NCOA3: variants seen among roughly 807,000 people sequenced by gnomAD.
The protein encoded by NCOA3 is CBP-interacting protein.
NCOA3 carries 51 observed loss-of-function variants against 158.8 expected under a neutral mutation model. The ratio of observed to expected loss-of-function variants is 0.32; its 90% CI spans 0.26 to 0.41. NCOA3 has a LOEUF of 0.41. Among genes scored for constraint, NCOA3 ranks in the 10% least tolerant of loss-of-function variants. The probability of loss-of-function intolerance (pLI) is 1.00; values close to 1 mark genes in which losing one functional copy is unlikely to be tolerated. For synonymous variants in NCOA3, 537 were observed against 592.4 expected (o/e 0.91, Z 1.36); for missense variants, 1,510 against 1,746.6 (o/e 0.86, Z 2.41).
chr20:47,527,010 C>A (rs1426913282), intron 1 of NCOA3, among the ~76,000 whole-genome samples: 1 of 152,050 alleles, frequency 6.6e-6, no homozygotes, highest in East Asian at 1.9e-4. Context: ...ATAATTTATT[C>A]TTAGTATATA....
intron 1 of NCOA3, among the ~76,000 whole-genome samples, chr20:47,557,883 A>T (rs1053877540): frequency 6.6e-6 from 1 of 152,160 alleles, no homozygotes; most frequent in Non-Finnish European, 1.5e-5. Context: ...ACAAAGTGCC[A>T]CAGACCGAGT....
intron 1 of NCOA3, among the ~76,000 whole-genome samples, chr20:47,526,347 C>T (rs935965145): frequency 2.0e-5 from 3 of 152,070 alleles, no homozygotes; most frequent in African/African-American, 7.2e-5. Context: ...CTCCTCACTT[C>T]CCAGACGGGG....
chr20:47,574,511 G>A (rs2146207291), intron 1 of NCOA3, among the ~76,000 whole-genome samples: 1 of 150,552 alleles, frequency 6.6e-6, no homozygotes, highest in Admixed American at 6.6e-5. Context: ...TTAGCACAGA[G>A]GCATAGTAAT....
intron 16 of NCOA3, among the ~76,000 whole-genome samples, chr20:47,641,655 C>T (rs1054098897): frequency 1.7e-4 from 26 of 151,638 alleles, no homozygotes; most frequent in African/African-American, 4.6e-4. Context: ...CTCACCACCA[C>T]GCCTGGCTGA....
chr20:47,543,853 G>T (rs749823249), intron 1 of NCOA3, among the ~76,000 whole-genome samples: 36 of 152,160 alleles, frequency 2.4e-4, no homozygotes, highest in Admixed American at 1.1e-3. Context: ...CCTGGTGTGG[G>T]TACAGTTTAC....
At chr20:47,592,262 C>G (rs1017237281) in intron 2 of NCOA3, among the ~76,000 whole-genome samples, 14 of 152,130 alleles carry the variant, frequency 9.2e-5, no homozygotes, top group African/African-American at 2.9e-4. Context: ...CCAGGCTGGT[C>G]TTGAACTCCT....
At chr20:47,528,606 GTTCT>G (rs747319153) in intron 1 of NCOA3, among the ~76,000 whole-genome samples, 2 of 151,544 alleles carry the variant, frequency 1.3e-5, no homozygotes, top group Non-Finnish European at 2.9e-5. Context: ...TTGTCTTTTT[GTTCT>G]TTCTATGCGT....
chr20:47,600,332 G>C (rs2085839538), intron 2 of NCOA3, among the ~76,000 whole-genome samples: 1 of 148,586 alleles, frequency 6.7e-6, no homozygotes, highest in African/African-American at 2.5e-5. Context: ...CCACCACCAC[G>C]CCCAGCTAAT....
chr20:47,603,202 A>C (rs1386348340), intron 2 of NCOA3, among the ~76,000 whole-genome samples: 1 of 152,368 alleles, frequency 6.6e-6, no homozygotes, highest in South Asian at 2.1e-4. Context: ...AGTATTTCTC[A>C]AGAGACATCT....
chr20:47,639,462 A>C lies in NCOA3; in HGVS notation c.2708-115A>C. ...ACAGTTGGCCAGCCCTTTTCTTACC[A>C]TGACAAAGTGCTGTTTTGTCAAGGT... is the stretch of plus-strand genomic sequence containing the variant. On this transcript the variant is annotated intron_variant, in intron 14 of 22. Coordinates refer to ENST00000371998, the MANE Select transcript of NCOA3 (RefSeq NM_181659.3). 2.2e-6 allele frequency: 3 copies of C among 1,381,816 alleles called. No homozygotes were observed. The South Asian group carries it at 4.2e-5, about 19-fold the overall frequency. The allele number at this position is 1,381,816 out of a possible 1,614,324, so 85.6% of individuals were successfully genotyped here.
intron 19 of NCOA3, 46 bp downstream of exon 19, chr20:47,649,155 C>A (rs762377492): frequency 2.3e-6 from 3 of 1,281,718 alleles, no homozygotes; most frequent in Admixed American, 2.2e-5. Context: ...GTGCTCAGGA[C>A]AGGGCTTGGC....
At chr20:47,642,446 T>A in intron 17 of NCOA3, 62 bp downstream of exon 17, 1 of 1,171,590 alleles carries the variant, frequency 8.5e-7, no homozygotes, top group Non-Finnish European at 1.1e-6. Context: ...GCGTACACAT[T>A]CATGAAGCCA....
In NCOA3 at chr20:47,598,216, C is replaced by T. The variant is rs1242231867; in HGVS notation, c.-20+14955C>T. 5.3e-5 allele frequency among the ~76,000 whole-genome samples: 7 copies of T among 131,580 alleles called. No individual in the cohort carries two copies. The East Asian group carries it at 6.7e-4, about 13-fold the overall frequency. The allele number at this position is 131,580 out of a possible 152,430, so 86.3% of individuals were successfully genotyped here. ...GAGCCAAGATCACGCCACTGCACTC[C>T]AGCCTGGGCGATAGGGCGAGACTCT... is the stretch of plus-strand genomic sequence containing the variant. On this transcript the variant is annotated intron_variant, in intron 2 of 22. Transcript: ENST00000371998.
intron 13 of NCOA3, 119 bp from the exon 14 acceptor site, chr20:47,638,889 C>T: frequency 5.0e-6 from 4 of 803,530 alleles, no homozygotes; most frequent in Non-Finnish European, 5.4e-6. Context: ...TAAAGGAAGA[C>T]AGTGTTTGTT....
At chr20:47,635,245 A>T in intron 10 of NCOA3, 77 bp from the exon 11 acceptor site, 1 of 1,406,966 alleles carries the variant, frequency 7.1e-7, no homozygotes, top group Non-Finnish European at 9.5e-7. Context: ...TTAAAATTTT[A>T]TTTTATTTTA....
intron 20 of NCOA3, among the ~76,000 whole-genome samples, chr20:47,651,919 G>A (rs975582470): frequency 1.3e-5 from 2 of 151,926 alleles, no homozygotes; most frequent in African/African-American, 4.8e-5. Flanking sequence ...GCCTGCATCG[G>A]CCTCCCAAAG....
intron 1 of NCOA3, among the ~76,000 whole-genome samples, chr20:47,561,794 A>T (rs955205925): frequency 4.6e-5 from 7 of 152,152 alleles, no homozygotes; most frequent in African/African-American, 1.7e-4. Context: ...CATAGCTTAC[A>T]TTAGGGTTAA....
chr20:47,504,228 T>C (rs1355079850), intron 1 of NCOA3, among the ~76,000 whole-genome samples: 1 of 152,208 alleles, frequency 6.6e-6, no homozygotes, highest in African/African-American at 2.4e-5. Flanking sequence ...AACTGTATTT[T>C]GAAAATGATT....
chr20:47,625,482 G>C lies in NCOA3; in HGVS notation c.357+1G>C. 1 of 1,593,192 alleles carries C rather than the reference G, an allele frequency of 6.3e-7. No individual in the cohort carries two copies. Among genetic ancestry groups the C allele is most frequent in the Non-Finnish European group, 8.6e-7 (1 of 1,161,204 alleles). ...CTCCTTAGGACCGCTTTTACTTCAG[G>C]CAAGTATAAAGATTTTAACTGTCCA... is the stretch of plus-strand genomic sequence containing the variant. On this transcript the variant is annotated splice_donor_variant, in intron 5 of 22. Coordinates refer to ENST00000371998, the MANE Select transcript of NCOA3 (RefSeq NM_181659.3). LOFTEE classifies it high-confidence loss of function.
Sources: gnomAD v4.1 joint callset for allele counts (sites outside exome capture counted in the v4.1 genomes callset) on GRCh38, gnomAD v4.1.1 for gene constraint, MANE v1.5 for transcripts, NCBI Gene and HGNC (gene_info 2026-07-23, HGNC 2026-07-21) for gene names.